The following ATG16L2 variants were observed in gnomAD, a reference collection of about 807,000 sequenced individuals.
ATG16L2 encodes autophagy related 16 like 2.
Under a neutral mutation model 84.7 loss-of-function variants are expected in ATG16L2, and 77 were observed. That is an observed-to-expected ratio of 0.91 (90% confidence interval 0.76 to 1.10). ATG16L2 has a LOEUF of 1.10. Among genes scored for constraint, ATG16L2 ranks in the 50% least tolerant of loss-of-function variants. ATG16L2 has a pLI of 0.00. For missense variants in ATG16L2, 782 were observed against 817.6 expected (o/e 0.96, Z 0.53); for synonymous variants, 361 against 342.8 (o/e 1.05, Z -0.59).
At chr11:72,817,665 T>C in intron 2 of ATG16L2, 91 bp from the exon 3 acceptor site, 1 of 1,280,808 alleles carries the variant, frequency 7.8e-7, no homozygotes, top group South Asian at 1.2e-5. Flanking sequence ...TAATGGCTCT[T>C]GTTTTAGGCT....
In ATG16L2 at chr11:72,827,203, A is replaced by T; in HGVS notation, c.1382A>T (p.Asn461Ile). The T allele has an allele frequency of 6.2e-7, 1 of 1,613,880 alleles. No homozygotes were observed. Among genetic ancestry groups the T allele is most frequent in the Non-Finnish European group, 8.5e-7 (1 of 1,179,816 alleles). Residue 461 changes from asparagine (N) to isoleucine (I), a missense_variant, in exon 14 of 18, where the codon AAT becomes ATT. Asn to Ile is a moderately radical substitution (Grantham distance 149). Transcript: ENST00000321297. ...LGRAYCSRTI[N>I]VLSYCNDVVC... ...TGGTCCCCAGGCTCCAGGACCATCAATGTCCTTTCCTACTGTAATGACGTG... is the reference window on the plus strand; with the variant it reads ...TGGTCCCCAGGCTCCAGGACCATCATTGTCCTTTCCTACTGTAATGACGTG...
At chr11:72,821,390 T>G in intron 3 of ATG16L2, 2 of 1,245,984 alleles carry the variant, frequency 1.6e-6, no homozygotes, top group East Asian at 3.8e-5. Context: ...GTGGAGCGGG[T>G]TGCTCTTGCC....
rs771481475 is a variant in ATG16L2, at chr11:72,824,849, G to A, written c.996+7G>A. The stretch of plus-strand genomic sequence containing the variant: ...CCGGGCTCAGGATGTGCTGGTAAGG[G>A]AGGAGCTGAGCCACATGGGTGGGGC... On this transcript the variant is annotated splice_region_variant and intron_variant, in intron 9 of 17. Coordinates refer to ENST00000321297, the MANE Select transcript of ATG16L2 (RefSeq NM_033388.2). 8 of 1,576,444 alleles carry A rather than the reference G, an allele frequency of 5.1e-6. No homozygotes were observed. Among genetic ancestry groups the A allele is most frequent in the Non-Finnish European group, 6.9e-6 (8 of 1,161,284 alleles).
chr11:72,832,931 C>G (rs1860638956), downstream of ATG16L2, among the ~76,000 whole-genome samples: 1 of 152,188 alleles, frequency 6.6e-6, no homozygotes, highest in Non-Finnish European at 1.5e-5. Context: ...CTTCCTGCCC[C>G]AAGCCTCCCC....
chr11:72,843,054 G>C (rs530840345), exon 6 of ATG16L2: 16 of 1,205,808 alleles, frequency 1.3e-5, no homozygotes, highest in Non-Finnish European at 1.9e-5. Flanking sequence ...AGGACAGGAG[G>C]AAAGTTGTGC....
chr11:72,840,600 G>C (rs1398263079), intron 5 of ATG16L2, among the ~76,000 whole-genome samples: 1 of 152,182 alleles, frequency 6.6e-6, no homozygotes, highest in Non-Finnish European at 1.5e-5. Context: ...CCGCTTTAAT[G>C]CTCATAAAGT....
intron 14 of ATG16L2, among the ~76,000 whole-genome samples, chr11:72,828,032 A>G (rs1359322059): frequency 6.6e-6 from 1 of 152,242 alleles, no homozygotes; most frequent in Admixed American, 6.5e-5. Flanking sequence ...ATCTCCAGCA[A>G]TTACTGTTTG....
At chr11:72,825,013 TATG>T (rs1245456439) in intron 9 of ATG16L2, among the ~76,000 whole-genome samples, 171 bp downstream of exon 9, 1 of 151,888 alleles carries the variant, frequency 6.6e-6, no homozygotes, top group Non-Finnish European at 1.5e-5. Context: ...TCAAGCATGT[TATG>T]ATGTGGGCAT....
downstream of ATG16L2, among the ~76,000 whole-genome samples, chr11:72,834,430 T>G (rs1174468164): frequency 5.9e-5 from 9 of 152,210 alleles, no homozygotes; most frequent in South Asian, 2.1e-4. Context: ...TGGCTTGCTT[T>G]CTTTTCAATT....
At chr11:72,825,201 C>T (rs560466511) in intron 9 of ATG16L2, 101 bp from the exon 10 acceptor site, 99 of 874,862 alleles carry the variant, frequency 1.1e-4, no homozygotes, top group South Asian at 8.4e-4. Flanking sequence ...ACCACGTCTG[C>T]AGCAGGCTGT....
Position 72,822,634 on chromosome 11 carries a change from A to G in ATG16L2, c.710+91A>G, listed in dbSNP as rs551946729. 2.6e-6 allele frequency: 4 copies of G among 1,520,694 alleles called. No homozygotes were observed. The highest frequency in any genetic ancestry group is 1.8e-6 in the Non-Finnish European group (2 of 1,121,042). The allele number at this position is 1,520,694 out of a possible 1,614,324, so 94.2% of individuals were successfully genotyped here. A position where few individuals can be genotyped will look rare whatever the true frequency, so the allele number is the denominator to read the frequency against. On this transcript the variant is annotated intron_variant, in intron 6 of 17. Coordinates refer to ENST00000321297, the MANE Select transcript of ATG16L2 (RefSeq NM_033388.2). This position sits in a 1 kb window ranked among gnomAD's most constrained non-coding sequence, Gnocchi z 4.2. ...CCCAGGCTGCCGACTGTACTTGTGC[A>G]CAGCCCCGTCCTGAGGCCCCCATGT...
intron 13 of ATG16L2, 124 bp from the exon 14 acceptor site, chr11:72,827,064 G>A (rs191474724): frequency 8.2e-5 from 71 of 863,384 alleles, no homozygotes; most frequent in East Asian, 4.4e-4. Flanking sequence ...GCTGGGAAGC[G>A]GAAGACCTGG....
intron 8 of ATG16L2, 72 bp downstream of exon 8, chr11:72,824,194 T>C: frequency 1.9e-6 from 3 of 1,576,898 alleles, no homozygotes; most frequent in Non-Finnish European, 2.6e-6. Flanking sequence ...GGTCTGTGTC[T>C]GTGCCTCGAC....
chr11:72,827,911 CG>C (rs1413637054), intron 14 of ATG16L2, among the ~76,000 whole-genome samples: 3 of 152,078 alleles, frequency 2.0e-5, no homozygotes, highest in African/African-American at 7.2e-5. Flanking sequence ...CCAGCCTGGG[CG>C]ACAGAGCGAG....
chr11:72,816,520 C>T (rs988185667), intron 1 of ATG16L2, among the ~76,000 whole-genome samples: 1 of 152,176 alleles, frequency 6.6e-6, no homozygotes, highest in South Asian at 2.1e-4. Flanking sequence ...GCCTGGGGAC[C>T]GGTGCTATGA....
At chr11:72,835,917 T>G (rs1194161619) in intron 5 of ATG16L2, among the ~76,000 whole-genome samples, 1 of 151,970 alleles carries the variant, frequency 6.6e-6, no homozygotes, top group Non-Finnish European at 1.5e-5. Context: ...CCCAGCCAAT[T>G]TTGTATTTTC....
In ATG16L2 at chr11:72,817,674, C is replaced by G. The variant is rs561223655; in HGVS notation, c.219-82C>G. 8 of 1,381,954 alleles carry G rather than the reference C, an allele frequency of 5.8e-6. No individual in the cohort carries two copies. The Admixed American group carries it at 1.5e-4, about 25-fold the overall frequency. The allele number at this position is 1,381,954 out of a possible 1,614,324, so 85.6% of individuals were successfully genotyped here. On this transcript the variant is annotated intron_variant, in intron 2 of 17. Transcript: ENST00000321297. Reference sequence around the variant, plus strand: ...CGAAGTTAATGGCTCTTGTTTTAGGCTTTTCATGTAGCATCACTTGGGTGC... The same window carrying G: ...CGAAGTTAATGGCTCTTGTTTTAGGGTTTTCATGTAGCATCACTTGGGTGC...
In ATG16L2 at chr11:72,814,483, G is replaced by A; in HGVS notation, c.38G>A (p.Arg13His). ...GPGVPGAPAA[R>H]WKRHIVRQLR... is the part of the protein sequence containing the mutation. ...GGCGTCCCCGGTGCCCCCGCAGCGC[G>A]CTGGAAACGCCACATCGTGCGGCAG... Residue 13 changes from arginine (R) to histidine (H), a missense_variant, in exon 1 of 18, where the codon CGC becomes CAC. Arg to His is a conservative substitution (Grantham distance 29). Coordinates refer to ENST00000321297, the MANE Select transcript of ATG16L2 (RefSeq NM_033388.2). 6.6e-7 allele frequency: 1 copy of A among 1,525,102 alleles called. No individual in the cohort carries two copies. Among genetic ancestry groups the A allele is most frequent in the Non-Finnish European group, 8.8e-7 (1 of 1,132,514 alleles). The allele number at this position is 1,525,102 out of a possible 1,614,324, so 94.5% of individuals were successfully genotyped here.
chr11:72,842,709 T>A lies in ATG16L2; in HGVS notation c.*114T>A, dbSNP rs766081890. 3.7e-6 allele frequency: 6 copies of A among 1,614,046 alleles called. No individual in the cohort carries two copies. In the Admixed American group the frequency reaches 8.3e-5, roughly 22 times the overall value. ...CGATGGGAAAACTCCAATACGCCCA[T>A]TGAATTCCCCTTCCCAGAAGCCATC... On this transcript the variant is annotated 3_prime_UTR_variant, in exon 6 of 6. Transcript: ENST00000534905.
Sources: allele counts gnomAD v4.1 joint callset (sites outside exome capture counted in the v4.1 genomes callset), GRCh38; gene constraint gnomAD v4.1.1; non-coding constraint Gnocchi (gnomAD v3.1); transcripts MANE v1.5; gene names NCBI Gene and HGNC (gene_info 2026-07-23, HGNC 2026-07-21).